RPGRIP1L: variants seen among roughly 807,000 people sequenced by gnomAD.
RPGRIP1L encodes the protein protein fantom.
In RPGRIP1L, 131 loss-of-function variants were observed where a neutral mutation model predicts 160.4. That is an observed-to-expected ratio of 0.82 (90% CI 0.71 to 0.94). The LOEUF (loss-of-function observed/expected upper bound fraction) is 0.94. Among genes scored for constraint, RPGRIP1L ranks in the 40% least tolerant of loss-of-function variants. The probability of loss-of-function intolerance (pLI) is 0.00; values close to 1 mark genes in which losing one functional copy is unlikely to be tolerated. For synonymous variants in RPGRIP1L, 510 were observed against 515.8 expected, an observed-to-expected ratio of 0.99 and a Z score of 0.15; for missense variants, 1,522 against 1,535.8, an observed-to-expected ratio of 0.99 and a Z score of 0.15.
intron 2 of RPGRIP1L, among the ~76,000 whole-genome samples, chr16:53,699,252 A>T (rs1472097826): frequency 6.6e-6 from 1 of 150,450 alleles, no homozygotes; most frequent in African/African-American, 2.5e-5. Flanking sequence ...ACAAACACTG[A>T]GGAAGGCCTC....
At chr16:53,666,140 C>G (rs893501461) in intron 9 of RPGRIP1L, among the ~76,000 whole-genome samples, 3 of 152,140 alleles carry the variant, frequency 2.0e-5, no homozygotes, top group African/African-American at 7.2e-5. Context: ...TTGCTCCCAA[C>G]TAGTCTTCAG....
intron 24 of RPGRIP1L, among the ~76,000 whole-genome samples, chr16:53,614,514 A>G (rs1300268052): frequency 7.9e-5 from 12 of 152,196 alleles, no homozygotes; most frequent in Non-Finnish European, 1.5e-4. Context: ...GTTTGGCCCA[A>G]CATTCATTTG....
chr16:53,625,262 C>A (rs1409083639), intron 22 of RPGRIP1L, among the ~76,000 whole-genome samples: 4 of 151,872 alleles, frequency 2.6e-5, no homozygotes, highest in Admixed American at 2.0e-4. Flanking sequence ...GCCCGGCAGC[C>A]CAGTCTGGGA....
At chr16:53,633,758 G>A (rs1392866584) in intron 22 of RPGRIP1L, among the ~76,000 whole-genome samples, 1 of 152,094 alleles carries the variant, frequency 6.6e-6, no homozygotes, top group Non-Finnish European at 1.5e-5. Context: ...TGCATATATA[G>A]GAGAGAGACT....
At chr16:53,645,461 G>A (rs900049056) in intron 17 of RPGRIP1L, among the ~76,000 whole-genome samples, 164 bp downstream of exon 17, 2 of 151,856 alleles carry the variant, frequency 1.3e-5, no homozygotes, top group African/African-American at 4.8e-5. Flanking sequence ...TGCACATAGA[G>A]CGACTAGTAA....
intron 9 of RPGRIP1L, among the ~76,000 whole-genome samples, chr16:53,668,727 T>C (rs1480609566): frequency 6.6e-6 from 1 of 152,214 alleles, no homozygotes; most frequent in Non-Finnish European, 1.5e-5. Flanking sequence ...AATACTGTAT[T>C]ACATACCACA....
chr16:53,629,017 T>A (rs1965344843), intron 22 of RPGRIP1L, among the ~76,000 whole-genome samples: 1 of 152,094 alleles, frequency 6.6e-6, no homozygotes, highest in African/African-American at 2.4e-5. Flanking sequence ...TATAAATAGA[T>A]ACAAACCTGA....
intron 24 of RPGRIP1L, among the ~76,000 whole-genome samples, chr16:53,616,414 T>G (rs1037288913): frequency 1.3e-5 from 2 of 152,214 alleles, no homozygotes; most frequent in Non-Finnish European, 2.9e-5. Context: ...AAATGAAGCA[T>G]TCAACCAGGT....
chr16:53,614,869 C>T (rs1463846152), intron 24 of RPGRIP1L, among the ~76,000 whole-genome samples: 1 of 152,110 alleles, frequency 6.6e-6, no homozygotes, highest in Non-Finnish European at 1.5e-5. Context: ...AACTGGTAGT[C>T]CAAATACTTT....
chr16:53,652,234 G>C lies in RPGRIP1L; in HGVS notation c.2152+301C>G, dbSNP rs1475333302. Among the ~76,000 whole-genome samples the C allele has an allele frequency of 2.0e-5, 3 of 152,018 alleles. No individual in the cohort carries two copies. The East Asian group carries it at 5.8e-4, about 29-fold the overall frequency. On this transcript the variant is annotated intron_variant, in intron 15 of 26. Transcript: ENST00000647211. ...ATTACAGGCATGCACCACCACACCTGGCTAATTTTTGTATTTTTACTAGAG... is the reference window on the plus strand; with the variant it reads ...ATTACAGGCATGCACCACCACACCTCGCTAATTTTTGTATTTTTACTAGAG...
intron 4 of RPGRIP1L, 64 bp downstream of exon 4, chr16:53,692,001 TG>T (rs376970693): frequency 9.5e-6 from 14 of 1,479,738 alleles, no homozygotes; most frequent in African/African-American, 1.4e-5. Context: ...TAAAACTTTG[TG>T]TTTTTTTTGT....
chr16:53,649,084 T>C lies in RPGRIP1L; in HGVS notation c.2184A>G (p.Thr728=). The change falls in exon 16 of 27, where the codon ACA becomes ACG. Residue 728 remains threonine, a synonymous_variant. Coordinates refer to ENST00000647211, the MANE Select transcript of RPGRIP1L (RefSeq NM_015272.5). ...GTKGDIPNFG[T]VEYWFRLRVP... ...CTCTTAATCGGAACCAGTATTCCAC[T>C]GTGCCAAAATTTGGGATGTCTCCTT... 5 of 1,614,134 alleles carry C rather than the reference T, an allele frequency of 3.1e-6. No individual in the cohort carries two copies. Among genetic ancestry groups the C allele is most frequent in the Non-Finnish European group, 4.2e-6 (5 of 1,179,990 alleles).
chr16:53,682,292 C>T (rs1308887134), intron 6 of RPGRIP1L, among the ~76,000 whole-genome samples: 3 of 152,148 alleles, frequency 2.0e-5, no homozygotes, highest in Non-Finnish European at 4.4e-5. Flanking sequence ...CATTTTGTCT[C>T]TGCTTTAATT....
In RPGRIP1L at chr16:53,619,163, CATT is replaced by C. The variant is rs1429003106; in HGVS notation, c.3475_3477del (p.Asn1159del). On this transcript the variant is annotated inframe_deletion, in exon 24 of 27. Coordinates refer to ENST00000647211, the MANE Select transcript of RPGRIP1L (RefSeq NM_015272.5). ...GTGTCATCCATGGTTACTTGAGAAT[CATT>C]AAGGCTTAGAGCTATGATCTCAATC... 6.2e-7 allele frequency: 1 copy of C among 1,613,940 alleles called. No individual in the cohort carries two copies. Among genetic ancestry groups the C allele is most frequent in the East Asian group, 2.2e-5 (1 of 44,874 alleles).
Position 53,652,112 on chromosome 16 carries a change from G to C in RPGRIP1L, c.2152+423C>G, listed in dbSNP as rs1966862473. ...TTGAGATGGAAGAGCGAAAGCTCTT[G>C]TTATCCAGGCTGGAGTGCAGTGGCG... On this transcript the variant is annotated intron_variant, in intron 15 of 26. Coordinates refer to ENST00000647211, the MANE Select transcript of RPGRIP1L (RefSeq NM_015272.5). Among the ~76,000 whole-genome samples, 3 of 152,074 alleles carry C rather than the reference G, an allele frequency of 2.0e-5. No individual in the cohort carries two copies. In the South Asian group the frequency reaches 6.2e-4, roughly 31 times the overall value.
rs1963268106 is a variant in RPGRIP1L at position 53,598,629 on chromosome 16, T to C, written c.*3447A>G. On this transcript the variant is annotated 3_prime_UTR_variant, in exon 27 of 27. Coordinates refer to ENST00000647211, the MANE Select transcript of RPGRIP1L (RefSeq NM_015272.5). ...ATATTTTCTAGCTTTCTGGTTGACC[T>C]AGAGGTTGTTTTTGTTCTGAACAAA... 1 of 152,236 alleles carries C rather than the reference T, an allele frequency of 6.6e-6. No homozygotes were observed. The highest frequency in any genetic ancestry group is 1.5e-5 in the Non-Finnish European group (1 of 68,034). The allele number at this position is 152,236 out of a possible 1,614,324, so 9.4% of individuals were successfully genotyped here. A position where few individuals can be genotyped will look rare whatever the true frequency, so the allele number is the denominator to read the frequency against.
intron 5 of RPGRIP1L, 94 bp downstream of exon 5, chr16:53,687,769 C>A (rs1195840150): frequency 2.5e-6 from 2 of 793,840 alleles, no homozygotes; most frequent in Non-Finnish European, 4.5e-6. Flanking sequence ...GTGGAGCAAA[C>A]TGTTTACATA....
chr16:53,669,715 T>G (rs1281860203), intron 9 of RPGRIP1L, among the ~76,000 whole-genome samples: 1 of 152,164 alleles, frequency 6.6e-6, no homozygotes, highest in Non-Finnish European at 1.5e-5. Flanking sequence ...TGTAAATTAT[T>G]TGAAATTACA....
At chr16:53,603,221 C>A (rs1331300606) in intron 26 of RPGRIP1L, among the ~76,000 whole-genome samples, 1 of 152,254 alleles carries the variant, frequency 6.6e-6, no homozygotes, top group Non-Finnish European at 1.5e-5. Flanking sequence ...CGATTCAATA[C>A]CTGAGACTCC....
Sources: gnomAD v4.1 joint callset for allele counts (sites outside exome capture counted in the v4.1 genomes callset) on GRCh38, gnomAD v4.1.1 for gene constraint, MANE v1.5 for transcripts, NCBI Gene and HGNC (gene_info 2026-07-23, HGNC 2026-07-21) for gene names.